ERCC1: variants seen among roughly 807,000 people sequenced by gnomAD.
ERCC1 encodes the protein ERCC excision repair 1, endonuclease non-catalytic subunit.
A neutral mutation model predicts 37.6 loss-of-function variants in ERCC1; 36 were observed. The observed-to-expected ratio is 0.96, with a 90% CI of 0.73 to 1.26. The LOEUF (loss-of-function observed/expected upper bound fraction) is 1.26, where lower values mean the gene tolerates loss of function less well. Among genes scored for constraint, ERCC1 ranks in the 50% most tolerant of loss-of-function variants. The pLI is 0.00. For synonymous variants in ERCC1, 156 were observed against 162.1 expected (o/e 0.96, Z 0.28); for missense variants, 349 against 376.5 (o/e 0.93, Z 0.60).
rs749251479 is a variant in ERCC1, at chr19:45,409,461, G to A, written c.*214C>T. ...TCTGGGGAGGAGGCTCCCACAGGCCGGGACAAGAAGCGGAAGCAGCAGCAG... is the reference window on the plus strand; with the variant it reads ...TCTGGGGAGGAGGCTCCCACAGGCCAGGACAAGAAGCGGAAGCAGCAGCAG... On this transcript the variant is annotated 3_prime_UTR_variant, in exon 10 of 10. Coordinates refer to ENST00000300853, the MANE Select transcript of ERCC1 (RefSeq NM_001983.4). 1.2e-5 allele frequency: 19 copies of A among 1,612,310 alleles called. No homozygotes were observed. Among genetic ancestry groups the A allele is most frequent in the African/African-American group, 2.7e-5 (2 of 74,882 alleles).
At chr19:45,429,908 C>T (rs1974791396) in intron 1 of ERCC1, among the ~76,000 whole-genome samples, 1 of 152,200 alleles carries the variant, frequency 6.6e-6, no homozygotes, top group South Asian at 2.1e-4. Context: ...CCTCAGCCTC[C>T]TGAGTAGCTG....
chr19:45,433,114 G>A (rs1033622905), intron 1 of ERCC1, among the ~76,000 whole-genome samples: 1 of 152,070 alleles, frequency 6.6e-6, no homozygotes, highest in East Asian at 1.9e-4. Context: ...ATTAGGCCGG[G>A]TGCGGTGGCT....
intron 2 of ERCC1, 141 bp downstream of exon 2, chr19:45,423,129 G>T: frequency 1.3e-6 from 1 of 766,016 alleles, no homozygotes; most frequent in Non-Finnish European, 2.1e-6. Context: ...CTGGGACCTG[G>T]GGAGGACCAA....
intron 1 of ERCC1, among the ~76,000 whole-genome samples, chr19:45,435,016 C>T (rs1413667167): frequency 6.6e-6 from 1 of 151,984 alleles, no homozygotes; most frequent in African/African-American, 2.4e-5. Flanking sequence ...CTCCTGACCT[C>T]AGGTGATCCA....
At chr19:45,414,296 T>C in intron 7 of ERCC1, 1 of 532,156 alleles carries the variant, frequency 1.9e-6, no homozygotes. Context: ...GCCAACACAC[T>C]GAAACCCCAT....
At chr19:45,427,085 T>C (rs541360975), upstream of ERCC1, among the ~76,000 whole-genome samples, 4 of 150,434 alleles carry the variant, frequency 2.7e-5, no homozygotes, top group African/African-American at 9.8e-5. Context: ...GCTGCGATTG[T>C]GCCACTGCAC....
intron 4 of ERCC1, 51 bp from the exon 5 acceptor site, chr19:45,419,248 C>T (rs1974254260): frequency 1.2e-5 from 15 of 1,290,026 alleles, no homozygotes; most frequent in Non-Finnish European, 1.7e-5. Context: ...CTTCAAGACC[C>T]CCAAAGCCCT....
chr19:45,416,445 T>G, intron 6 of ERCC1: 1 of 237,164 alleles, frequency 4.2e-6, no homozygotes, highest in Non-Finnish European at 8.4e-6. Context: ...GAGGTCAGGA[T>G]TTCAAGACCA....
chr19:45,415,739 T>G (rs1363575127), intron 6 of ERCC1: 3 of 455,570 alleles, frequency 6.6e-6, no homozygotes, highest in African/African-American at 4.0e-5. Context: ...TGGGCGCATC[T>G]TGATATCTTT....
rs1022247107 is a variant in ERCC1 at position 45,409,902 on chromosome 19, T to A, written c.844-177A>T. ...GTTATTATTATTATTATTATTTTTT[T>A]TTTTTTTGAGATGGAGTCTCGCTCT... On this transcript the variant is annotated intron_variant, in intron 9 of 9. Coordinates refer to ENST00000300853, the MANE Select transcript of ERCC1 (RefSeq NM_001983.4). 474 of 264,514 alleles carry A rather than the reference T, an allele frequency of 1.8e-3. 1 individual carries two copies. The highest frequency in any genetic ancestry group is 7.7e-3 in the African/African-American group (333 of 43,480). The allele number at this position is 264,514 out of a possible 1,614,324, so 16.4% of individuals were successfully genotyped here. A position where few individuals can be genotyped will look rare whatever the true frequency, so the allele number is the denominator to read the frequency against.
chr19:45,441,868 G>C (rs946659318), intron 1 of ERCC1, among the ~76,000 whole-genome samples: 4 of 151,548 alleles, frequency 2.6e-5, no homozygotes, highest in African/African-American at 9.7e-5. Context: ...ATTTTTAGTA[G>C]AGACGGGGTT....
chr19:45,428,937 G>T (rs994515952), intron 1 of ERCC1: 14 of 152,100 alleles, frequency 9.2e-5, no homozygotes, highest in African/African-American at 3.4e-4. Context: ...GAGCGGCCGG[G>T]ATGACGCGGG....
rs1437989290 is a variant in ERCC1, at chr19:45,407,753, GT to G, written c.*1921del. On this transcript the variant is annotated 3_prime_UTR_variant, in exon 10 of 10. Coordinates refer to ENST00000300853, the MANE Select transcript of ERCC1 (RefSeq NM_001983.4). Reference sequence around the variant, plus strand: ...TTTAAGATGGAGTCACTCTAGTCATGTTTTATTAAAAACCAGAGGCCAGCCA... The same window carrying G: ...TTTAAGATGGAGTCACTCTAGTCATGTTTATTAAAAACCAGAGGCCAGCCA... The G allele has an allele frequency of 4.0e-6, 1 of 251,966 alleles. No individual in the cohort carries two copies. The highest frequency in any genetic ancestry group is 2.2e-5 in the African/African-American group (1 of 45,444). 15.6% of individuals were successfully genotyped at this position (251,966 alleles called of 1,614,324 possible). A position where few individuals can be genotyped will look rare whatever the true frequency, so the allele number is the denominator to read the frequency against.
intron 1 of ERCC1, among the ~76,000 whole-genome samples, chr19:45,441,312 G>T (rs187677548): frequency 1.3e-5 from 2 of 152,314 alleles, no homozygotes; most frequent in African/African-American, 4.8e-5. Context: ...AGTGACTAAG[G>T]TCTTGGGCCT....
chr19:45,423,820 C>A lies in ERCC1; in HGVS notation c.-47G>T. 1.8e-6 allele frequency: 2 copies of A among 1,133,680 alleles called. No homozygotes were observed. Among genetic ancestry groups the A allele is most frequent in the South Asian group, 5.8e-5 (2 of 34,470 alleles). 70.2% of individuals were successfully genotyped at this position (1,133,680 alleles called of 1,614,324 possible). ...TCACGGTTTCAGCGCCGCGAGGCCT[C>A]ACCTGCTGGTCTTGGAGCCTCAAGG... On this transcript the variant is annotated 5_prime_UTR_variant, in exon 1 of 10. Transcript: ENST00000300853.
intron 7 of ERCC1, chr19:45,414,524 A>G: frequency 2.6e-6 from 1 of 385,070 alleles, no homozygotes; most frequent in Non-Finnish European, 4.9e-6. Context: ...GAGGGAACAG[A>G]AGGGGCAAGT....
In ERCC1 at chr19:45,408,280, A is replaced by G. The variant is rs367886330; in HGVS notation, c.*1395T>C. ...CCCCCTCAACGGAGGCAGGAGGTGGACTCACCTGTGCCTCAGCCCCCCAGG... is the reference window on the plus strand; with the variant it reads ...CCCCCTCAACGGAGGCAGGAGGTGGGCTCACCTGTGCCTCAGCCCCCCAGG... On this transcript the variant is annotated 3_prime_UTR_variant, in exon 10 of 10. Coordinates refer to ENST00000300853, the MANE Select transcript of ERCC1 (RefSeq NM_001983.4). 7.1e-5 allele frequency: 114 copies of G among 1,613,708 alleles called. No homozygotes were observed. The highest frequency in any genetic ancestry group is 9.5e-5 in the Non-Finnish European group (112 of 1,179,886).
At chr19:45,415,647 A>AC (rs1328588808) in intron 6 of ERCC1, among the ~76,000 whole-genome samples, 6 of 151,564 alleles carry the variant, frequency 4.0e-5, no homozygotes, top group Non-Finnish European at 7.4e-5. Context: ...AAAAAAAAAA[A>AC]AAAAAAAAAA....
At chr19:45,423,448 C>A (rs763981965) in intron 1 of ERCC1, 67 bp from the exon 2 acceptor site, 89 of 1,543,358 alleles carry the variant, frequency 5.8e-5, no homozygotes, top group Non-Finnish European at 7.2e-5. Flanking sequence ...CAGCAGGAAC[C>A]CCCCACTCAC....
Sources: allele counts gnomAD v4.1 joint callset (sites outside exome capture counted in the v4.1 genomes callset), GRCh38; gene constraint gnomAD v4.1.1; transcripts MANE v1.5; gene names NCBI Gene and HGNC (gene_info 2026-07-23, HGNC 2026-07-21).